GATAD2B: variants seen among roughly 807,000 people sequenced by gnomAD.
The protein encoded by GATAD2B is transcriptional repressor p66-beta.
GATAD2B carries 8 observed loss-of-function variants against 64.3 expected under a neutral mutation model. The observed-to-expected ratio is 0.12, with a 90% confidence interval of 0.07 to 0.22. The LOEUF is 0.22. Ranked by LOEUF, GATAD2B falls within the 10% of genes least tolerant of loss-of-function variation. The pLI is 1.00. For missense variants in GATAD2B, 453 were observed against 752.0 expected (o/e 0.60, Z 4.65); for synonymous variants, 281 against 271.3 (o/e 1.04, Z -0.35).
chr1:153,865,164 C>A (rs1163622702), intron 1 of GATAD2B, among the ~76,000 whole-genome samples: 1 of 150,888 alleles, frequency 6.6e-6, no homozygotes, highest in Non-Finnish European at 1.5e-5. Flanking sequence ...TGATTAAAAT[C>A]TACGTCTAAT....
intron 1 of GATAD2B, among the ~76,000 whole-genome samples, chr1:153,894,527 T>A (rs1177918561): frequency 6.6e-6 from 1 of 151,944 alleles, no homozygotes; most frequent in Admixed American, 6.6e-5. Context: ...CACCTTACAA[T>A]TAAACTACTT....
At chr1:153,892,316 A>G (rs1033635656) in intron 1 of GATAD2B, among the ~76,000 whole-genome samples, 1 of 152,220 alleles carries the variant, frequency 6.6e-6, no homozygotes, top group Non-Finnish European at 1.5e-5. Context: ...TAGTTAAGGT[A>G]AGACACACTA....
chr1:153,874,831 C>A (rs949769134), intron 1 of GATAD2B, among the ~76,000 whole-genome samples: 1 of 151,850 alleles, frequency 6.6e-6, no homozygotes, highest in African/African-American at 2.4e-5. Flanking sequence ...CTCGCCTTGG[C>A]CCCCCAAAGT....
intron 1 of GATAD2B, among the ~76,000 whole-genome samples, chr1:153,903,908 C>T (rs187010196): frequency 1.3e-5 from 2 of 152,270 alleles, no homozygotes; most frequent in African/African-American, 2.4e-5. Context: ...CACCTGAGTT[C>T]GGGAAGTGAA....
intron 1 of GATAD2B, among the ~76,000 whole-genome samples, chr1:153,870,398 C>G (rs1676622239): frequency 6.6e-6 from 1 of 152,066 alleles, no homozygotes; most frequent in South Asian, 2.1e-4. Context: ...AGTGAAACCC[C>G]GTCTCTACTA....
At chr1:153,857,972 T>G (rs1676151421) in intron 1 of GATAD2B, among the ~76,000 whole-genome samples, 1 of 152,170 alleles carries the variant, frequency 6.6e-6, no homozygotes, top group Non-Finnish European at 1.5e-5. Context: ...ATACAAATAA[T>G]TTGACAGTGA....
At chr1:153,915,201 C>T (rs1410921991) in intron 1 of GATAD2B, among the ~76,000 whole-genome samples, 1 of 151,990 alleles carries the variant, frequency 6.6e-6, no homozygotes, top group African/African-American at 2.4e-5. Context: ...CCGAGTCAGG[C>T]GGATCACAAG....
At chr1:153,864,280 GGATTAACATCTGAAT>G (rs1440142349) in intron 1 of GATAD2B, among the ~76,000 whole-genome samples, 3 of 152,170 alleles carry the variant, frequency 2.0e-5, no homozygotes, top group African/African-American at 7.2e-5. Flanking sequence ...TACAGGAGAA[GGATTAACATCTGAAT>G]GAATGCTGAT....
chr1:153,810,374 C>A, intron 10 of GATAD2B, 64 bp from the exon 11 acceptor site: 1 of 1,537,968 alleles, frequency 6.5e-7, no homozygotes, highest in Non-Finnish European at 8.9e-7. Flanking sequence ...CCCTTCCACT[C>A]TACCCTCGGG....
chr1:153,878,004 T>C (rs1453006470), intron 1 of GATAD2B, among the ~76,000 whole-genome samples: 2 of 152,150 alleles, frequency 1.3e-5, no homozygotes, highest in African/African-American at 4.8e-5. Flanking sequence ...TGTTGCTATT[T>C]TGTCTTTCAG....
In GATAD2B at chr1:153,816,528, C is replaced by G. The variant is rs369041948; in HGVS notation, c.961G>C (p.Ala321Pro). ...ACCGTCCCTGGCTGGATATGAGAAGCAAGGTTCATATAGATGGCAGAGGAT... is the reference window on the plus strand; with the variant it reads ...ACCGTCCCTGGCTGGATATGAGAAGGAAGGTTCATATAGATGGCAGAGGAT... ...TTSSAIYMNL[A>P]SHIQPGTVNR... Residue 321 changes from alanine (A) to proline (P), a missense_variant, in exon 7 of 11, where the codon GCT becomes CCT. Ala to Pro is a conservative substitution (Grantham distance 27). Coordinates refer to ENST00000368655, the MANE Select transcript of GATAD2B (RefSeq NM_020699.4). The surrounding 1 kb of genome is among the most constrained non-coding windows in gnomAD (Gnocchi z 4.9). The G allele has an allele frequency of 6.2e-7, 1 of 1,613,504 alleles. No homozygotes were observed. Among genetic ancestry groups the G allele is most frequent in the African/African-American group, 1.3e-5 (1 of 75,020 alleles).
At chr1:153,848,478 G>C (rs1675765163) in intron 1 of GATAD2B, among the ~76,000 whole-genome samples, 1 of 152,090 alleles carries the variant, frequency 6.6e-6, no homozygotes, top group Admixed American at 6.6e-5. Context: ...CTACACTCAT[G>C]ATCCTTTATT....
intron 1 of GATAD2B, among the ~76,000 whole-genome samples, chr1:153,869,022 G>C (rs563734064): frequency 9.6e-4 from 146 of 152,318 alleles, no homozygotes; most frequent in Non-Finnish European, 1.7e-3. Context: ...GCTGGGCACA[G>C]TGGCTCACGC....
chr1:153,874,334 G>GC (rs1245220722), intron 1 of GATAD2B, among the ~76,000 whole-genome samples: 1 of 151,984 alleles, frequency 6.6e-6, no homozygotes, highest in Non-Finnish European at 1.5e-5. Flanking sequence ...TCAGGTTATA[G>GC]CAACAGAAAA....
At chr1:153,893,224 G>C (rs1284745707) in intron 1 of GATAD2B, among the ~76,000 whole-genome samples, 3 of 152,128 alleles carry the variant, frequency 2.0e-5, no homozygotes, top group Non-Finnish European at 2.9e-5. Context: ...GTGACATAAA[G>C]ATTTGTCAAA....
chr1:153,832,582 A>G (rs1017555468), intron 1 of GATAD2B, among the ~76,000 whole-genome samples: 3 of 152,276 alleles, frequency 2.0e-5, no homozygotes, highest in Non-Finnish European at 2.9e-5. Flanking sequence ...CAAGTTATCC[A>G]TAAGATCTAG....
intron 4 of GATAD2B, 28 bp from the exon 5 acceptor site, chr1:153,818,199 G>A (rs746565993): frequency 4.2e-5 from 65 of 1,562,698 alleles, no homozygotes; most frequent in Non-Finnish European, 5.6e-5. Context: ...AAATAAGACT[G>A]TGGCCAATAA....
intron 1 of GATAD2B, among the ~76,000 whole-genome samples, chr1:153,863,964 T>C (rs749799997): frequency 1.3e-5 from 2 of 152,308 alleles, no homozygotes; most frequent in South Asian, 4.1e-4. Flanking sequence ...AGAACGGATG[T>C]AGGCTTTCCT....
chr1:153,897,757 A>G (rs1677640307), intron 1 of GATAD2B, among the ~76,000 whole-genome samples: 1 of 152,088 alleles, frequency 6.6e-6, no homozygotes. Flanking sequence ...TCTCAAAGCT[A>G]GACAGTTGGC....
Sources: allele counts gnomAD v4.1 joint callset (sites outside exome capture counted in the v4.1 genomes callset), GRCh38; gene constraint gnomAD v4.1.1; non-coding constraint Gnocchi (gnomAD v3.1); transcripts MANE v1.5; gene names NCBI Gene and HGNC (gene_info 2026-07-23, HGNC 2026-07-21).